Variants in ADH4 observed in about 807,000 individuals in gnomAD.
The protein encoded by ADH4 is alcohol dehydrogenase 4 (class II), pi polypeptide.
A neutral mutation model predicts 35.2 loss-of-function variants in ADH4; 31 were observed. That is an observed-to-expected ratio of 0.88 (90% CI 0.66 to 1.19). ADH4 has a LOEUF of 1.19. ADH4 is among the 50% of genes most tolerant of loss of function. ADH4 has a pLI of 0.00. For synonymous variants in ADH4, 171 were observed against 160.2 expected (o/e 1.07, Z -0.51); for missense variants, 476 against 458.3 (o/e 1.04, Z -0.35).
chr4:99,129,936 A>G (rs34071486), intron 6 of ADH4, among the ~76,000 whole-genome samples: 32,041 of 152,150 alleles, frequency 0.21, 4,046 homozygotes, highest in Non-Finnish European at 0.29. Context: ...CACTTTTCCC[A>G]TCAGGTTTAT....
chr4:99,128,568 T>A (rs1014983271), intron 6 of ADH4, among the ~76,000 whole-genome samples: 1 of 152,180 alleles, frequency 6.6e-6, no homozygotes, highest in Admixed American at 6.5e-5. Context: ...ATAAGTGGAC[T>A]TTTTGTGTAA....
In ADH4 at chr4:99,124,136, C is replaced by G. The variant is rs1332159577; in HGVS notation, c.*306G>C. Reference sequence around the variant, plus strand: ...TCTAAAAAAATTATAAACATATGGCCAATCTAGTTTTATTTATTATCTCTT... The same window carrying G: ...TCTAAAAAAATTATAAACATATGGCGAATCTAGTTTTATTTATTATCTCTT... On this transcript the variant is annotated 3_prime_UTR_variant, in exon 9 of 9. Transcript: ENST00000265512. The G allele has an allele frequency of 3.8e-6, 1 of 259,940 alleles. No homozygotes were observed. Among genetic ancestry groups the G allele is most frequent in the African/African-American group, 2.3e-5 (1 of 43,914 alleles). 16.1% of individuals were successfully genotyped at this position (259,940 alleles called of 1,614,324 possible).
At chr4:99,126,807 A>G (rs1729109423) in intron 7 of ADH4, 75 bp from the exon 8 acceptor site, 2 of 1,413,716 alleles carry the variant, frequency 1.4e-6, no homozygotes, top group Admixed American at 2.0e-5. Context: ...TTGCTGAATG[A>G]ATGAAATTAT....
intron 4 of ADH4, among the ~76,000 whole-genome samples, chr4:99,137,376 T>A (rs13108745): frequency 2.6e-5 from 4 of 151,986 alleles, no homozygotes; most frequent in South Asian, 4.1e-4. Flanking sequence ...TCCACCCGCC[T>A]CAGCCTCCCA....
At chr4:99,138,079 C>T (rs1560780001) in intron 4 of ADH4, among the ~76,000 whole-genome samples, 1 of 152,104 alleles carries the variant, frequency 6.6e-6, no homozygotes, top group African/African-American at 2.4e-5. Context: ...TATTTTTGAT[C>T]TAAACACTTG....
chr4:99,124,823 T>G (rs2851248), intron 8 of ADH4, among the ~76,000 whole-genome samples: 1 of 151,942 alleles, frequency 6.6e-6, no homozygotes, highest in Non-Finnish European at 1.5e-5. Flanking sequence ...AGTTGAGCAT[T>G]GAAGGAGGGA....
At position 99,131,641 on chromosome 4, in the gene ADH4, C is replaced by G. The variant is rs1446677229; in HGVS notation, c.706G>C (p.Val236Leu). 2 of 1,614,180 alleles carry G rather than the reference C, an allele frequency of 1.2e-6. No homozygotes were observed. Among genetic ancestry groups the G allele is most frequent in the South Asian group, 1.1e-5 (1 of 91,084 alleles). Residue 236 changes from valine to leucine, a missense_variant, in exon 6 of 9, where the codon GTG (valine) becomes CTG (leucine). By Grantham distance (32) the Val-to-Leu change is conservative. Coordinates refer to ENST00000265512, the MANE Select transcript of ADH4 (RefSeq NM_000670.5). ...IGIDINSEKF[V>L]KAKALGATDC... is the part of the protein sequence containing the mutation. ...GTGGCTCCCAGGGCTTTAGCCTTCA[C>G]AAACTTCTCACTGTTGATGTCAATA...
chr4:99,129,861 T>G (rs2110493429), intron 6 of ADH4, among the ~76,000 whole-genome samples: 1 of 152,322 alleles, frequency 6.6e-6, no homozygotes, highest in South Asian at 2.1e-4. Flanking sequence ...TTACTAAGAA[T>G]TATGTATTCC....
chr4:99,132,507 C>G (rs1187596489), intron 5 of ADH4, among the ~76,000 whole-genome samples: 1 of 77,012 alleles, frequency 1.3e-5, no homozygotes, highest in African/African-American at 5.2e-5. Flanking sequence ...TTATAACCTG[C>G]CTTGATTGTG....
chr4:99,141,573 C>T lies in ADH4; in HGVS notation c.230G>A (p.Ser77Asn). Residue 77 changes from serine to asparagine, a missense_variant, in exon 3 of 9, where the codon AGT becomes AAT. Physicochemically the swap from Ser to Asn is conservative, Grantham distance 46 (BLOSUM62 1). Coordinates refer to ENST00000265512, the MANE Select transcript of ADH4 (RefSeq NM_000670.5). Reference sequence around the variant, plus strand: ...GACGTTGGTCACTCCTGGCCCAATACTTTCCACAATACCTGCAGCCTCATG... The same window carrying T: ...GACGTTGGTCACTCCTGGCCCAATATTTTCCACAATACCTGCAGCCTCATG... ...VGHEAAGIVESIGPGVTNVKP... is the reference protein window; with the variant it reads ...VGHEAAGIVENIGPGVTNVKP... 1 of 1,614,102 alleles carries T rather than the reference C, an allele frequency of 6.2e-7. No homozygotes were observed. Among genetic ancestry groups the T allele is most frequent in the Non-Finnish European group, 8.5e-7 (1 of 1,179,998 alleles).
chr4:99,137,561 C>T (rs1356963422), intron 4 of ADH4, among the ~76,000 whole-genome samples: 2 of 152,170 alleles, frequency 1.3e-5, no homozygotes, highest in African/African-American at 4.8e-5. Context: ...CGCACCCGGC[C>T]AGGGAACAAA....
chr4:99,131,496 A>G lies in ADH4; in HGVS notation c.843+8T>C. The G allele has an allele frequency of 6.2e-7, 1 of 1,610,694 alleles. No homozygotes were observed. The highest frequency in any genetic ancestry group is 2.2e-5 in the East Asian group (1 of 44,862). ...TGAAAATATGATCCAAGAACAAAAT[A>G]TACATACCATGGTTTCAGATCCACC... On this transcript the variant is annotated splice_region_variant and intron_variant, in intron 6 of 8. Coordinates refer to ENST00000265512, the MANE Select transcript of ADH4 (RefSeq NM_000670.5).
intron 5 of ADH4, among the ~76,000 whole-genome samples, chr4:99,133,117 A>T (rs1416196961): frequency 6.6e-6 from 1 of 152,140 alleles, no homozygotes; most frequent in Non-Finnish European, 1.5e-5. Flanking sequence ...CCATTGCAGC[A>T]ATGTAACTAG....
chr4:99,129,955 G>T (rs1363952535), intron 6 of ADH4, among the ~76,000 whole-genome samples: 1 of 152,072 alleles, frequency 6.6e-6, no homozygotes, highest in African/African-American at 2.4e-5. Context: ...ATTGAAATGG[G>T]CTTCCCATAA....
intron 4 of ADH4, among the ~76,000 whole-genome samples, chr4:99,137,166 C>T (rs921531322): frequency 2.0e-5 from 3 of 149,528 alleles, no homozygotes; most frequent in Non-Finnish European, 4.4e-5. Context: ...CTTGCTCTGT[C>T]GCCCAGGCTG....
chr4:99,133,865 GT>G (rs1729358198), intron 5 of ADH4: 1 of 152,072 alleles, frequency 6.6e-6, no homozygotes, highest in Non-Finnish European at 1.5e-5. Flanking sequence ...AAACTGCAAT[GT>G]TTTCCTTATT....
At chr4:99,135,418 G>A (rs576630351) in intron 5 of ADH4, among the ~76,000 whole-genome samples, 2 of 152,190 alleles carry the variant, frequency 1.3e-5, no homozygotes, top group Non-Finnish European at 2.9e-5. Context: ...AACAGAGTGA[G>A]ACCCTGTCTC....
At chr4:99,139,210 A>T in intron 3 of ADH4, 62 bp from the exon 4 acceptor site, 1 of 1,076,476 alleles carries the variant, frequency 9.3e-7, no homozygotes, top group Non-Finnish European at 1.4e-6. Context: ...TCTACCAGAT[A>T]AATCAGTGGA....
chr4:99,128,804 G>C (rs1729176711), intron 6 of ADH4, among the ~76,000 whole-genome samples: 1 of 51,838 alleles, frequency 1.9e-5, no homozygotes, highest in South Asian at 1.1e-3. Flanking sequence ...ATATATAATT[G>C]TATTATCTTT....
Sources: allele counts gnomAD v4.1 joint callset (sites outside exome capture counted in the v4.1 genomes callset), GRCh38; gene constraint gnomAD v4.1.1; transcripts MANE v1.5; gene names NCBI Gene and HGNC (gene_info 2026-07-23, HGNC 2026-07-21).